The following STAG1 variants were observed in gnomAD, a reference collection of about 807,000 sequenced individuals.
STAG1 encodes STAG1 cohesin complex component, also known as cohesin subunit SA-1.
A neutral mutation model predicts 170.9 loss-of-function variants in STAG1; 26 were observed. That is an observed-to-expected ratio of 0.15 (90% confidence interval 0.11 to 0.21). The LOEUF is 0.21. STAG1 is among the 10% of genes least tolerant of loss of function. The pLI is 1.00. For missense variants in STAG1, 964 were observed against 1,509.5 expected, an observed-to-expected ratio of 0.64 and a Z score of 5.99; for synonymous variants, 514 against 497.7, an observed-to-expected ratio of 1.03 and a Z score of -0.44.
intron 5 of STAG1, among the ~76,000 whole-genome samples, chr3:136,554,000 G>T (rs72971430): frequency 8.0e-4 from 121 of 152,006 alleles, no homozygotes; most frequent in African/African-American, 2.9e-3. Context: ...GCTGTAAGTT[G>T]TAACAAGCGG....
intron 23 of STAG1, among the ~76,000 whole-genome samples, chr3:136,376,956 A>C (rs988830993): frequency 3.3e-5 from 5 of 151,048 alleles, no homozygotes; most frequent in Admixed American, 6.6e-5. Context: ...ATGCCCGGCT[A>C]ATTTTTTTTT....
chr3:136,638,635 G>C (rs2107844440), intron 1 of STAG1, among the ~76,000 whole-genome samples: 1 of 152,250 alleles, frequency 6.6e-6, no homozygotes, highest in South Asian at 2.1e-4. Flanking sequence ...GGGTGCGGTA[G>C]CTCGCGCCTG....
intron 9 of STAG1, among the ~76,000 whole-genome samples, chr3:136,485,879 T>C (rs771164617): frequency 2.6e-5 from 4 of 152,234 alleles, no homozygotes; most frequent in Non-Finnish European, 4.4e-5. Flanking sequence ...ACTGTTCCTT[T>C]CTATAAACAA....
In STAG1 at chr3:136,522,991, T is replaced by C. The variant is rs533697152; in HGVS notation, c.472-1574A>G. On this transcript the variant is annotated intron_variant, in intron 6 of 33. Transcript: ENST00000383202. ...CATTGATGGACATGTGGGTTGGTTC[T>C]AAGTCTTTGCTATTGTGAATAGTGC... 9.0e-4 allele frequency among the ~76,000 whole-genome samples: 137 copies of C among 152,278 alleles called. 1 individual carries two copies. The highest frequency in any genetic ancestry group is 6.8e-3 in the South Asian group (33 of 4,824).
intron 21 of STAG1, among the ~76,000 whole-genome samples, chr3:136,413,988 T>C (rs1576442002): frequency 6.6e-6 from 1 of 152,186 alleles, no homozygotes; most frequent in South Asian, 2.1e-4. Context: ...GAAAAAACAA[T>C]GTACATAGCT....
chr3:136,724,160 G>GT (rs1559974008), intron 1 of STAG1, among the ~76,000 whole-genome samples: 1 of 151,950 alleles, frequency 6.6e-6, no homozygotes, highest in African/African-American at 2.4e-5. Flanking sequence ...TGGAATAGAG[G>GT]AGGGGAGAAA....
chr3:136,453,957 G>A (rs898013175), intron 13 of STAG1, among the ~76,000 whole-genome samples: 1 of 151,832 alleles, frequency 6.6e-6, no homozygotes, highest in African/African-American at 2.4e-5. Context: ...GGCATATTAG[G>A]GGACTAGAGA....
chr3:136,702,992 C>T (rs1200371692), intron 1 of STAG1, among the ~76,000 whole-genome samples: 1 of 148,778 alleles, frequency 6.7e-6, no homozygotes, highest in Non-Finnish European at 1.5e-5. Flanking sequence ...CATTTGAACC[C>T]GGGAGGCACA....
At chr3:136,732,293 A>G (rs1252522322) in intron 1 of STAG1, among the ~76,000 whole-genome samples, 1 of 151,574 alleles carries the variant, frequency 6.6e-6, no homozygotes, top group African/African-American at 2.4e-5. Flanking sequence ...CTGCATCCCA[A>G]TGGGAGGAAA....
chr3:136,589,373 C>T (rs982121121), intron 4 of STAG1, among the ~76,000 whole-genome samples: 3 of 151,974 alleles, frequency 2.0e-5, no homozygotes, highest in East Asian at 3.9e-4. Flanking sequence ...GGTGTGGTGG[C>T]GTGTGCCTGT....
intron 4 of STAG1, among the ~76,000 whole-genome samples, chr3:136,577,373 AC>A (rs1455512233): frequency 2.6e-5 from 4 of 152,212 alleles, no homozygotes; most frequent in African/African-American, 4.8e-5. Flanking sequence ...ATTCAGTCTC[AC>A]CAAGTTTCTC....
intron 1 of STAG1, among the ~76,000 whole-genome samples, chr3:136,664,981 T>C (rs1235145072): frequency 6.6e-6 from 1 of 152,222 alleles, no homozygotes. Flanking sequence ...AAAGGATTAT[T>C]TTCAGGCCTT....
At position 136,548,511 on chromosome 3, in the gene STAG1, A is replaced by C. The variant is rs1275420594; in HGVS notation, c.395-6316T>G. Among the ~76,000 whole-genome samples, 4 of 152,102 alleles carry C rather than the reference A, an allele frequency of 2.6e-5. No homozygotes were observed. In the East Asian group the frequency reaches 7.7e-4, roughly 29 times the overall value. Reference sequence around the variant, plus strand: ...CTTCCTCAGACTGTTTTGGGTATTAAGGGTTCTCTGTGATTCCATATGAAG... The same window carrying C: ...CTTCCTCAGACTGTTTTGGGTATTACGGGTTCTCTGTGATTCCATATGAAG... On this transcript the variant is annotated intron_variant, in intron 5 of 33. Transcript: ENST00000383202.
At chr3:136,442,642 T>A (rs1297483505) in intron 15 of STAG1, among the ~76,000 whole-genome samples, 3 of 150,032 alleles carry the variant, frequency 2.0e-5, no homozygotes, top group East Asian at 2.0e-4. Context: ...GCATAAAAGG[T>A]TTTTTCAAAG....
chr3:136,518,950 T>C (rs1025296148), intron 7 of STAG1, among the ~76,000 whole-genome samples: 39 of 151,684 alleles, frequency 2.6e-4, no homozygotes, highest in Admixed American at 2.0e-3. Flanking sequence ...AAAGGAATAA[T>C]GAAAATATAT....
intron 16 of STAG1, among the ~76,000 whole-genome samples, chr3:136,425,712 A>C: frequency 6.7e-6 from 1 of 149,510 alleles, no homozygotes; most frequent in South Asian, 2.1e-4. Flanking sequence ...ATGTATGTTT[A>C]TATATATGTA....
At chr3:136,561,492 G>A (rs1393478899) in intron 5 of STAG1, among the ~76,000 whole-genome samples, 1 of 152,180 alleles carries the variant, frequency 6.6e-6, no homozygotes, top group Admixed American at 6.5e-5. Flanking sequence ...CTTTTGTCTT[G>A]AAAAGGAGGT....
intron 3 of STAG1, among the ~76,000 whole-genome samples, chr3:136,621,247 A>C (rs531868162): frequency 6.6e-6 from 1 of 152,358 alleles, no homozygotes; most frequent in Admixed American, 6.5e-5. Context: ...TCTTTAGGAA[A>C]AATAAAAAAG....
intron 13 of STAG1, among the ~76,000 whole-genome samples, chr3:136,461,661 C>A (rs772795755): frequency 8.7e-5 from 13 of 149,910 alleles, no homozygotes; most frequent in Non-Finnish European, 1.5e-5. Flanking sequence ...AGTTTTGGGG[C>A]AAGACCTCAA....
Sources: gnomAD v4.1 joint callset for allele counts (sites outside exome capture counted in the v4.1 genomes callset) on GRCh38, gnomAD v4.1.1 for gene constraint, MANE v1.5 for transcripts, NCBI Gene and HGNC (gene_info 2026-07-23, HGNC 2026-07-21) for gene names.